DTNB: variants seen among roughly 807,000 people sequenced by gnomAD.
DTNB encodes the protein DTN-B.
DTNB carries 63 observed loss-of-function variants against 90.7 expected under a neutral mutation model. The observed-to-expected ratio is 0.69, with a 90% CI of 0.57 to 0.86. The LOEUF is 0.86. Ranked by LOEUF, DTNB falls within the 40% of genes least tolerant of loss-of-function variation. The pLI, the probability that DTNB is intolerant of heterozygous loss-of-function variation, is 0.00. For synonymous variants in DTNB, 277 were observed against 286.7 expected (o/e 0.97, Z 0.34); for missense variants, 744 against 807.1 (o/e 0.92, Z 0.95).
In DTNB at chr2:25,456,003, A is replaced by G. The variant is rs186874393; in HGVS notation, c.1080-509T>C. Among the ~76,000 whole-genome samples, 330 of 152,264 alleles carry G rather than the reference A, an allele frequency of 2.2e-3. 5 individuals are homozygous for G. Among genetic ancestry groups the G allele is most frequent in the African/African-American group, 7.5e-3 (313 of 41,548 alleles). ...AGGATACTGCCTTTAGCATCAGTCT[A>G]TTTCTCCCATAAAACTGGTACCCAT... On this transcript the variant is annotated intron_variant, in intron 10 of 20. Coordinates refer to ENST00000406818, the MANE Select transcript of DTNB (RefSeq NM_021907.5).
intron 1 of DTNB, among the ~76,000 whole-genome samples, chr2:25,659,853 G>T (rs933596008): frequency 5.9e-5 from 9 of 152,050 alleles, no homozygotes; most frequent in Admixed American, 5.9e-4. Context: ...TACTCATTTT[G>T]TAGCCAGCAT....
chr2:25,400,604 T>C (rs1558356993), intron 16 of DTNB, among the ~76,000 whole-genome samples: 1 of 152,214 alleles, frequency 6.6e-6, no homozygotes, highest in Non-Finnish European at 1.5e-5. Context: ...CAAAAGACTC[T>C]TGTGCCTCTG....
chr2:25,536,389 G>A (rs372716244), intron 8 of DTNB, among the ~76,000 whole-genome samples: 12 of 152,122 alleles, frequency 7.9e-5, no homozygotes, highest in South Asian at 4.1e-4. Context: ...CCGAGATCAC[G>A]CCACTGCACT....
At chr2:25,396,576 G>A (rs533464247) in intron 16 of DTNB, among the ~76,000 whole-genome samples, 3 of 151,594 alleles carry the variant, frequency 2.0e-5, no homozygotes, top group African/African-American at 7.3e-5. Flanking sequence ...TGGGAGGGGG[G>A]TGAGGGATAA....
intron 8 of DTNB, among the ~76,000 whole-genome samples, chr2:25,549,208 A>G (rs2083082494): frequency 6.6e-6 from 1 of 151,754 alleles, no homozygotes; most frequent in Non-Finnish European, 1.5e-5. Flanking sequence ...TTACTGATAT[A>G]TATATCAGTA....
intron 9 of DTNB, among the ~76,000 whole-genome samples, chr2:25,495,212 C>T (rs1170401554): frequency 6.6e-6 from 1 of 152,124 alleles, no homozygotes; most frequent in East Asian, 1.9e-4. Context: ...ACTACAGGCA[C>T]ATGCCACCAC....
chr2:25,473,783 A>G (rs567087441), intron 10 of DTNB, among the ~76,000 whole-genome samples: 1 of 152,224 alleles, frequency 6.6e-6, no homozygotes, highest in African/African-American at 2.4e-5. Context: ...AAATCTGAAA[A>G]CGATCCTCAC....
chr2:25,530,410 C>A (rs886380840), intron 9 of DTNB, among the ~76,000 whole-genome samples: 9 of 152,148 alleles, frequency 5.9e-5, no homozygotes, highest in Non-Finnish European at 1.0e-4. Flanking sequence ...GCACTCCAGA[C>A]TAGGTGACAA....
At position 25,402,040 on chromosome 2, in the gene DTNB, A is replaced by G. The variant is rs186654999; in HGVS notation, c.1576-13679T>C. 6.6e-5 allele frequency among the ~76,000 whole-genome samples: 10 copies of G among 152,366 alleles called. No homozygotes were observed. In the East Asian group the frequency reaches 1.9e-3, roughly 29 times the overall value. On this transcript the variant is annotated intron_variant, in intron 16 of 20. Coordinates refer to ENST00000406818, the MANE Select transcript of DTNB (RefSeq NM_021907.5). The stretch of plus-strand genomic sequence containing the variant: ...TTAGGCAACCGTGAATGTATAGAGA[A>G]CTGGGATATGTAGAGAACAGCCTTT...
intron 11 of DTNB, 123 bp downstream of exon 11, chr2:25,455,282 G>A (rs1050048372): frequency 2.4e-6 from 2 of 845,500 alleles, no homozygotes; most frequent in South Asian, 3.7e-5. Context: ...GCCAAACATA[G>A]CTGGTAGCTG....
chr2:25,536,352 C>T (rs546882201), intron 8 of DTNB, among the ~76,000 whole-genome samples: 166 of 152,312 alleles, frequency 1.1e-3, no homozygotes, highest in Middle Eastern at 3.4e-3. Flanking sequence ...CCAAGGCAGG[C>T]AGCTGGGAGG....
intron 10 of DTNB, among the ~76,000 whole-genome samples, chr2:25,462,220 G>C (rs917184126): frequency 6.6e-6 from 1 of 152,276 alleles, no homozygotes; most frequent in Non-Finnish European, 1.5e-5. Context: ...ATAATATCTC[G>C]TGATGTCAGC....
At chr2:25,379,149 G>A (rs2036778985) in intron 20 of DTNB, 141 bp downstream of exon 20, 2 of 786,068 alleles carry the variant, frequency 2.5e-6, no homozygotes, top group Non-Finnish European at 3.5e-6. Context: ...TGGGCAAAGG[G>A]AAGGGACAGT....
chr2:25,569,548 G>A (rs145989000), intron 8 of DTNB, among the ~76,000 whole-genome samples: 1 of 152,052 alleles, frequency 6.6e-6, no homozygotes, highest in East Asian at 1.9e-4. Flanking sequence ...CTTGGGATCT[G>A]CACACTCCGC....
At chr2:25,509,316 C>G (rs2073358125) in intron 9 of DTNB, among the ~76,000 whole-genome samples, 2 of 152,134 alleles carry the variant, frequency 1.3e-5, no homozygotes. Flanking sequence ...TGTGCATTTT[C>G]AGATTGAGAA....
rs185143091 is a variant in DTNB at position 25,628,987 on chromosome 2, G to A, written c.149-603C>T. On this transcript the variant is annotated intron_variant, in intron 3 of 20. Coordinates refer to ENST00000406818, the MANE Select transcript of DTNB (RefSeq NM_021907.5). ...TTCCATTTCCAGTAATAAAGTAGGC[G>A]CGGTAGCTGGGTCTACACTCTTCTT... is the stretch of plus-strand genomic sequence containing the variant. Among the ~76,000 whole-genome samples the A allele has an allele frequency of 5.3e-3, 801 of 152,214 alleles. 2 individuals are homozygous for A. Among genetic ancestry groups the A allele is most frequent in the Middle Eastern group, 0.017 (5 of 294 alleles).
chr2:25,579,714 G>A (rs555157044), intron 7 of DTNB, among the ~76,000 whole-genome samples: 50 of 151,170 alleles, frequency 3.3e-4, no homozygotes, highest in African/African-American at 1.1e-3. Flanking sequence ...GAAAAAAAAT[G>A]AGGAAAAAAA....
chr2:25,468,625 A>C (rs894494503), intron 10 of DTNB, among the ~76,000 whole-genome samples: 11 of 152,242 alleles, frequency 7.2e-5, no homozygotes, highest in African/African-American at 2.7e-4. Flanking sequence ...AGGAGTAACA[A>C]GTTAAATCAG....
intron 2 of DTNB, among the ~76,000 whole-genome samples, chr2:25,650,607 G>T (rs2080687097): frequency 6.6e-6 from 1 of 152,240 alleles, no homozygotes; most frequent in African/African-American, 2.4e-5. Flanking sequence ...GCATTCTTAG[G>T]AGTGGGGTCT....
Sources: allele counts gnomAD v4.1 joint callset (sites outside exome capture counted in the v4.1 genomes callset), GRCh38; gene constraint gnomAD v4.1.1; transcripts MANE v1.5; gene names NCBI Gene and HGNC (gene_info 2026-07-23, HGNC 2026-07-21).